Variants in ZNF423 observed in about 807,000 individuals in gnomAD.
The protein encoded by ZNF423 is zinc finger protein 423.
Under a neutral mutation model 95.8 loss-of-function variants are expected in ZNF423, and 12 were observed. The ratio of observed to expected loss-of-function variants is 0.13; its 90% CI spans 0.08 to 0.20. The LOEUF is 0.20. ZNF423 is among the 10% of genes least tolerant of loss of function. The pLI is 1.00. For synonymous variants in ZNF423, 749 were observed against 711.9 expected (o/e 1.05, Z -0.83); for missense variants, 1,316 against 1,737.1 (o/e 0.76, Z 4.31).
chr16:49,773,329 A>G (rs906549856), intron 2 of ZNF423, among the ~76,000 whole-genome samples: 3 of 152,114 alleles, frequency 2.0e-5, no homozygotes, highest in African/African-American at 7.2e-5. Flanking sequence ...ACAAAAAAAA[A>G]ACAAAAAGCA....
At chr16:49,538,727 G>A (rs11861984) in intron 5 of ZNF423, among the ~76,000 whole-genome samples, 1,952 of 152,294 alleles carry the variant, frequency 0.013, 41 homozygotes, top group African/African-American at 0.044. Context: ...GTTAGGTTAC[G>A]GATTCTGTAC....
At chr16:49,765,863 T>C (rs2033920100) in intron 2 of ZNF423, among the ~76,000 whole-genome samples, 1 of 152,180 alleles carries the variant, frequency 6.6e-6, no homozygotes, top group Non-Finnish European at 1.5e-5. Flanking sequence ...CATGAGGGCC[T>C]GGCTGCAGTA....
intron 2 of ZNF423, among the ~76,000 whole-genome samples, chr16:49,766,127 G>T (rs767390126): frequency 1.8e-4 from 27 of 152,114 alleles, no homozygotes; most frequent in Admixed American, 6.5e-4. Flanking sequence ...TTTTAATGGA[G>T]GAAAACAGTA....
intron 2 of ZNF423, among the ~76,000 whole-genome samples, chr16:49,741,118 G>A (rs1484404466): frequency 6.6e-6 from 1 of 151,882 alleles, no homozygotes; most frequent in Non-Finnish European, 1.5e-5. Flanking sequence ...CGAATGGGGT[G>A]TGGAGTGAGC....
chr16:49,810,770 G>C (rs1186618848), intron 1 of ZNF423, among the ~76,000 whole-genome samples: 3 of 152,234 alleles, frequency 2.0e-5, no homozygotes, highest in Admixed American at 2.0e-4. Flanking sequence ...GAAATGCCAT[G>C]GGTATTTGAG....
At chr16:49,807,529 C>G (rs1006755215) in intron 1 of ZNF423, among the ~76,000 whole-genome samples, 2 of 152,140 alleles carry the variant, frequency 1.3e-5, no homozygotes, top group African/African-American at 4.8e-5. Flanking sequence ...AAAGACACCC[C>G]GGGGTAGGGG....
At position 49,636,676 on chromosome 16, in the gene ZNF423, G is replaced by C. The variant is rs1972730245; in HGVS notation, c.2500C>G (p.Leu834Val). 6.2e-7 allele frequency: 1 copy of C among 1,613,984 alleles called. No individual in the cohort carries two copies. Among genetic ancestry groups the C allele is most frequent in the South Asian group, 1.1e-5 (1 of 91,086 alleles). The change falls in exon 4 of 8, where the codon CTG becomes GTG. Residue 834 changes from leucine to valine, a missense_variant. By Grantham distance (32) the Leu-to-Val change is conservative. Coordinates refer to ENST00000563137, the MANE Select transcript of ZNF423 (RefSeq NM_001379286.1). This position sits in a 1 kb window ranked among gnomAD's most constrained non-coding sequence, Gnocchi z 8.6. ...FHAIILLEKH[L>V]REKHCVFDAA... ...TCAAACACACAGTGCTTCTCCCGCAGGTGCTTCTCCAGCAGGATGATGGCG... is the reference window on the plus strand; with the variant it reads ...TCAAACACACAGTGCTTCTCCCGCACGTGCTTCTCCAGCAGGATGATGGCG...
In ZNF423 at chr16:49,553,500, C is replaced by T. The variant is rs931997196; in HGVS notation, c.3602-28006G>A. On this transcript the variant is annotated intron_variant, in intron 5 of 7. Coordinates refer to ENST00000563137, the MANE Select transcript of ZNF423 (RefSeq NM_001379286.1). The stretch of plus-strand genomic sequence containing the variant: ...TAACTGGGACTACAGGCATGCACCA[C>T]CCCCACGGGCTATTTTTTTACTTTT... Among the ~76,000 whole-genome samples the T allele has an allele frequency of 3.9e-5, 6 of 152,154 alleles. No homozygotes were observed. In the East Asian group the frequency reaches 9.7e-4, roughly 25 times the overall value.
chr16:49,762,171 G>A (rs1180559090), intron 2 of ZNF423, among the ~76,000 whole-genome samples: 8 of 152,152 alleles, frequency 5.3e-5, no homozygotes, highest in East Asian at 1.9e-4. Context: ...CTGAGCCTCC[G>A]TGCCCAGACA....
At chr16:49,658,218 C>G (rs56988983) in intron 3 of ZNF423, among the ~76,000 whole-genome samples, 9,373 of 152,288 alleles carry the variant, frequency 0.062, 612 homozygotes, top group African/African-American at 0.17. Flanking sequence ...GTCCCTCTCC[C>G]CCTCCAGACA....
intron 1 of ZNF423, among the ~76,000 whole-genome samples, chr16:49,797,040 C>T (rs1410940402): frequency 6.6e-6 from 1 of 152,162 alleles, no homozygotes; most frequent in Non-Finnish European, 1.5e-5. Flanking sequence ...CCTGTCCCAG[C>T]AGAGGTGGTG....
chr16:49,594,267 C>T (rs748562892), intron 5 of ZNF423, among the ~76,000 whole-genome samples: 1 of 152,114 alleles, frequency 6.6e-6, no homozygotes, highest in East Asian at 1.9e-4. Context: ...CCCCTCTGGC[C>T]CCTCTGGAAT....
Position 49,488,166 on chromosome 16 carries a change from C to T in ZNF423, c.*3109G>A, listed in dbSNP as rs1966872855. The T allele has an allele frequency of 6.6e-6, 1 of 152,212 alleles. No individual in the cohort carries two copies. Among genetic ancestry groups the T allele is most frequent in the Admixed American group, 6.5e-5 (1 of 15,288 alleles). The allele number at this position is 152,212 out of a possible 1,614,324, so 9.4% of individuals were successfully genotyped here. A position where few individuals can be genotyped will look rare whatever the true frequency, so the allele number is the denominator to read the frequency against. ...TACTGAATATTTATAGGTACAGGTT[C>T]CATCCCTAGGAACACACACCTTAGG... On this transcript the variant is annotated 3_prime_UTR_variant, in exon 8 of 8. Coordinates refer to ENST00000563137, the MANE Select transcript of ZNF423 (RefSeq NM_001379286.1).
intron 5 of ZNF423, among the ~76,000 whole-genome samples, chr16:49,561,620 T>C (rs1465252180): frequency 2.6e-5 from 4 of 152,212 alleles, no homozygotes; most frequent in Non-Finnish European, 5.9e-5. Flanking sequence ...TGATTCCTTT[T>C]TTTGCCAGGC....
chr16:49,556,296 C>T (rs556522675), intron 5 of ZNF423, among the ~76,000 whole-genome samples: 1 of 152,314 alleles, frequency 6.6e-6, no homozygotes, highest in East Asian at 1.9e-4. Context: ...GCTCTCATCA[C>T]TCTTCAAGTC....
rs2035353841 is a variant in ZNF423, at chr16:49,855,511, T to TCCTCCGCCG, written c.40+223_40+224insCGGCGGAGG. Among the ~76,000 whole-genome samples, 4 of 143,842 alleles carry TCCTCCGCCG rather than the reference T, an allele frequency of 2.8e-5. No individual in the cohort carries two copies. Among genetic ancestry groups the TCCTCCGCCG allele is most frequent in the Admixed American group, 2.7e-4 (4 of 14,774 alleles). The allele number at this position is 143,842 out of a possible 152,430, so 94.4% of individuals were successfully genotyped here. ...GGGAGGGTGTCCGCGGCGTACCCCC[T>TCCTCCGCCG]CCGCCGCCGCCGCCGCCGCCGCCGC... On this transcript the variant is annotated intron_variant, in intron 1 of 7. Coordinates refer to ENST00000563137, the MANE Select transcript of ZNF423 (RefSeq NM_001379286.1). This position sits in a 1 kb window ranked among gnomAD's most constrained non-coding sequence, Gnocchi z 4.7.
Position 49,635,375 on chromosome 16 carries a change from C to G in ZNF423, c.3516+285G>C, listed in dbSNP as rs565927182. Among the ~76,000 whole-genome samples the G allele has an allele frequency of 6.6e-6, 1 of 152,260 alleles. No individual in the cohort carries two copies. The highest frequency in any genetic ancestry group is 1.5e-5 in the Non-Finnish European group (1 of 68,048). On this transcript the variant is annotated intron_variant, in intron 4 of 7. Coordinates refer to ENST00000563137, the MANE Select transcript of ZNF423 (RefSeq NM_001379286.1). The surrounding 1 kb of genome is among the most constrained non-coding windows in gnomAD (Gnocchi z 4.8). ...CCTGTATGATGTCCTCGGCCTCTTA[C>G]AACAATTCTCTGAGGTTGGGACAAT...
Position 49,576,110 on chromosome 16 carries a change from C to T in ZNF423, c.3601+50060G>A, listed in dbSNP as rs567117832. ...CCGTTTCTCAAACTCCATACCCAGA[C>T]ATGGAACCAGAAGTTTCCTTTGCTC... On this transcript the variant is annotated intron_variant, in intron 5 of 7. Transcript: ENST00000563137. 1.4e-4 allele frequency among the ~76,000 whole-genome samples: 22 copies of T among 152,332 alleles called. 1 individual carries two copies. The South Asian group carries it at 3.1e-3, about 22-fold the overall frequency.
At chr16:49,622,463 A>C (rs899622753) in intron 5 of ZNF423, among the ~76,000 whole-genome samples, 1 of 149,984 alleles carries the variant, frequency 6.7e-6, no homozygotes, top group African/African-American at 2.5e-5. Context: ...GTGGCTCATC[A>C]CCCTCGCAGC....
Sources: gnomAD v4.1 joint callset for allele counts (sites outside exome capture counted in the v4.1 genomes callset) on GRCh38, gnomAD v4.1.1 for gene constraint, Gnocchi (gnomAD v3.1) non-coding constraint, MANE v1.5 for transcripts, NCBI Gene and HGNC (gene_info 2026-07-23, HGNC 2026-07-21) for gene names.